Variants in TP53I3 observed in about 807,000 individuals in gnomAD.
TP53I3 encodes tumor protein p53 inducible protein 3, also known as quinone oxidoreductase PIG3.
Under a neutral mutation model 27.7 loss-of-function variants are expected in TP53I3, and 32 were observed. The observed-to-expected ratio is 1.16, with a 90% CI of 0.87 to 1.55. The LOEUF (loss-of-function observed/expected upper bound fraction) is 1.55, where lower values mean the gene tolerates loss of function less well. Ranked by LOEUF, TP53I3 falls within the 40% of genes most tolerant of loss-of-function variation. The pLI, the probability that TP53I3 is intolerant of heterozygous loss-of-function variation, is 0.00. For synonymous variants in TP53I3, 138 were observed against 167.8 expected (o/e 0.82, Z 1.37); for missense variants, 372 against 412.3 (o/e 0.90, Z 0.85).
Position 24,084,104 on chromosome 2 carries a change from T to A in TP53I3, c.138+85A>T. 1 of 1,505,634 alleles carries A rather than the reference T, an allele frequency of 6.6e-7. No homozygotes were observed. The highest frequency in any genetic ancestry group is 8.8e-7 in the Non-Finnish European group (1 of 1,130,442). The allele number at this position is 1,505,634 out of a possible 1,614,324, so 93.3% of individuals were successfully genotyped here. On this transcript the variant is annotated intron_variant, in intron 1 of 4. Coordinates refer to ENST00000238721, the MANE Select transcript of TP53I3 (RefSeq NM_004881.5). The surrounding 1 kb of genome is among the most constrained non-coding windows in gnomAD (Gnocchi z 8.4). ...GCTGGGTGTGGAGCGGTGCACGCCT[T>A]CACGTCTGGTCAATGTCCACTGAGT...
Position 24,084,513 on chromosome 2 carries a change from C to G in TP53I3, c.-187G>C. ...CTCGCTGCCCTGGTCTGCCGCGGACCCGGCCTCCGCCCCGAGCTCCTGCCT... is the reference window on the plus strand; with the variant it reads ...CTCGCTGCCCTGGTCTGCCGCGGACGCGGCCTCCGCCCCGAGCTCCTGCCT... On this transcript the variant is annotated 5_prime_UTR_variant, in exon 1 of 5. Transcript: ENST00000238721. This position sits in a 1 kb window ranked among gnomAD's most constrained non-coding sequence, Gnocchi z 8.4. 1 of 759,858 alleles carries G rather than the reference C, an allele frequency of 1.3e-6. No homozygotes were observed. Among genetic ancestry groups the G allele is most frequent in the South Asian group, 2.4e-5 (1 of 42,518 alleles). The allele number at this position is 759,858 out of a possible 1,614,324, so 47.1% of individuals were successfully genotyped here. A position where few individuals can be genotyped will look rare whatever the true frequency, so the allele number is the denominator to read the frequency against.
rs1296026286 is a variant in TP53I3 at position 24,077,629 on chromosome 2, T to C, written c.949A>G (p.Met317Val). ...VTEIQEAHKY[M>V]EANKNIGKIV... is the part of the protein sequence containing the mutation. ...TTGCCTATGTTCTTGTTGGCCTCCA[T>C]GTACTTATGGGCCTCCTGGATTTCG... is the stretch of plus-strand genomic sequence containing the variant. The change falls in exon 5 of 5, where the codon ATG (methionine) becomes GTG (valine). Residue 317 changes from methionine (M) to valine (V), a missense_variant. Coordinates refer to ENST00000238721, the MANE Select transcript of TP53I3 (RefSeq NM_004881.5). This position sits in a 1 kb window ranked among gnomAD's most constrained non-coding sequence, Gnocchi z 5.5. 1 of 1,598,390 alleles carries C rather than the reference T, an allele frequency of 6.3e-7. No homozygotes were observed. Among genetic ancestry groups the C allele is most frequent in the Non-Finnish European group, 8.5e-7 (1 of 1,170,472 alleles).
chr2:24,080,063 A>G lies in TP53I3; in HGVS notation c.620-423T>C, dbSNP rs1664931980. On this transcript the variant is annotated intron_variant, in intron 3 of 4. Coordinates refer to ENST00000238721, the MANE Select transcript of TP53I3 (RefSeq NM_004881.5). This position sits in a 1 kb window ranked among gnomAD's most constrained non-coding sequence, Gnocchi z 4.7. ...GTTTCATCTCTCCTTTTCTACTCAC[A>G]TAAAAAATGGAGGCCAGGCATGGTG... 6.6e-6 allele frequency among the ~76,000 whole-genome samples: 1 copy of G among 152,152 alleles called. No homozygotes were observed. Among genetic ancestry groups the G allele is most frequent in the Admixed American group, 6.5e-5 (1 of 15,278 alleles).
chr2:24,082,952 C>T lies in TP53I3; in HGVS notation c.339G>A (p.Leu113=). Residue 113 remains leucine (L), a synonymous_variant, in exon 2 of 5, where the codon TTG becomes TTA. Transcript: ENST00000238721. ...GGATGGCTGCAGCCTGGGTCAGGGTCAATCCCTCTGGGATAGGCATGAGGA... is the reference window on the plus strand; with the variant it reads ...GGATGGCTGCAGCCTGGGTCAGGGTTAATCCCTCTGGGATAGGCATGAGGA... The part of the protein sequence containing the change: ...EGLLMPIPEG[L]TLTQAAAIPE... The T allele has an allele frequency of 1.2e-6, 2 of 1,613,984 alleles. No homozygotes were observed. The highest frequency in any genetic ancestry group is 1.3e-5 in the African/African-American group (1 of 75,056).
rs758343787 is a variant in TP53I3 at position 24,080,809 on chromosome 2, A to G, written c.619+10T>C. 15 of 1,613,990 alleles carry G rather than the reference A, an allele frequency of 9.3e-6. No individual in the cohort carries two copies. Among genetic ancestry groups the G allele is most frequent in the African/African-American group, 2.7e-5 (2 of 74,924 alleles). ...TAAATTCCTGCTGAACTGTAGAAGCAGTTGTTTACCTTTGGTGAATTTCAG... is the reference window on the plus strand; with the variant it reads ...TAAATTCCTGCTGAACTGTAGAAGCGGTTGTTTACCTTTGGTGAATTTCAG... On this transcript the variant is annotated intron_variant, in intron 3 of 4. Transcript: ENST00000238721. This position sits in a 1 kb window ranked among gnomAD's most constrained non-coding sequence, Gnocchi z 4.7.
rs146211787 is a variant in TP53I3, at chr2:24,081,111, C to T, written c.407-80G>A. The T allele has an allele frequency of 6.5e-5, 70 of 1,082,908 alleles. 1 individual carries two copies. The highest frequency in any genetic ancestry group is 6.3e-4 in the South Asian group (32 of 50,506). 67.1% of individuals were successfully genotyped at this position (1,082,908 alleles called of 1,614,324 possible). A position where few individuals can be genotyped will look rare whatever the true frequency, so the allele number is the denominator to read the frequency against. Reference sequence around the variant, plus strand: ...CACAGGCATATTCTATCAAGATCACCTGGCCGTTGCACCAAATGCCAAATC... The same window carrying T: ...CACAGGCATATTCTATCAAGATCACTTGGCCGTTGCACCAAATGCCAAATC... On this transcript the variant is annotated intron_variant, in intron 2 of 4. Coordinates refer to ENST00000238721, the MANE Select transcript of TP53I3 (RefSeq NM_004881.5).
Position 24,084,452 on chromosome 2 carries a change from C to T in TP53I3, c.-126G>A, listed in dbSNP as rs1665172088. 2 of 1,225,998 alleles carry T rather than the reference C, an allele frequency of 1.6e-6. No individual in the cohort carries two copies. The highest frequency in any genetic ancestry group is 3.4e-5 in the Admixed American group (1 of 29,412). 75.9% of individuals were successfully genotyped at this position (1,225,998 alleles called of 1,614,324 possible). ...GTATCCTCGCGGAGCAGCCCAGCCT[C>T]AGGCTGGCACCGCAGCGCCCCCTGC... On this transcript the variant is annotated 5_prime_UTR_variant, in exon 1 of 5. Transcript: ENST00000238721. This position sits in a 1 kb window ranked among gnomAD's most constrained non-coding sequence, Gnocchi z 8.4.
At chr2:24,079,394 C>A in intron 4 of TP53I3, 50 bp downstream of exon 4, 1 of 1,589,828 alleles carries the variant, frequency 6.3e-7, no homozygotes, top group Non-Finnish European at 8.6e-7. Context: ...TGTAAATGAA[C>A]CACACTTTTC....
chr2:24,083,732 C>G (rs1158550266), intron 1 of TP53I3, among the ~76,000 whole-genome samples: 2 of 152,202 alleles, frequency 1.3e-5, no homozygotes, highest in Non-Finnish European at 2.9e-5. Context: ...TGCCCGCTGT[C>G]AGCTCCGGGA....
chr2:24,082,835 A>G (rs1246038073), intron 2 of TP53I3, 50 bp downstream of exon 2: 1 of 1,537,594 alleles, frequency 6.5e-7, no homozygotes. Flanking sequence ...TGGCTGATTT[A>G]TGAAGGTGTT....
chr2:24,079,442 A>G lies in TP53I3; in HGVS notation c.816+2T>C, dbSNP rs1321781106. 1.2e-6 allele frequency: 2 copies of G among 1,613,108 alleles called. No homozygotes were observed. The highest frequency in any genetic ancestry group is 2.7e-5 in the African/African-American group (2 of 74,784). ...CATGTTTTCTTTTCATTCATCACTC[A>G]CCTTATTGTCCCTAGACCTCAGCAA... On this transcript the variant is annotated splice_donor_variant, in intron 4 of 4. Transcript: ENST00000238721. LOFTEE classifies it high-confidence loss of function.
chr2:24,084,365 A>ACAGGG lies in TP53I3; in HGVS notation c.-44_-40dup, dbSNP rs771776191. Reference sequence around the variant, plus strand: ...ACAGGGCAGGGCAGGGCAGGACAGGACAGGGCAGGGCAGGGCAGGACAGGA... The same window carrying ACAGGG: ...ACAGGGCAGGGCAGGGCAGGACAGGACAGGGCAGGGCAGGGCAGGGCAGGACAGGA... On this transcript the variant is annotated 5_prime_UTR_variant, in exon 1 of 5. Coordinates refer to ENST00000238721, the MANE Select transcript of TP53I3 (RefSeq NM_004881.5). The surrounding 1 kb of genome is among the most constrained non-coding windows in gnomAD (Gnocchi z 8.4). 1.5e-4 allele frequency: 237 copies of ACAGGG among 1,555,436 alleles called. No homozygotes were observed. In the African/African-American group the frequency reaches 2.0e-3, roughly 13 times the overall value.
In TP53I3 at chr2:24,084,390, A is replaced by ACAGGG. The variant is rs3030953; in HGVS notation, c.-69_-65dup. On this transcript the variant is annotated 5_prime_UTR_variant, in exon 1 of 5. Coordinates refer to ENST00000238721, the MANE Select transcript of TP53I3 (RefSeq NM_004881.5). This position sits in a 1 kb window ranked among gnomAD's most constrained non-coding sequence, Gnocchi z 8.4. The stretch of plus-strand genomic sequence containing the variant: ...ACAGGGCAGGGCAGGGCAGGACAGG[A>ACAGGG]CAGGGCAGGGCAGGACAGGACAGGG... 0.087 allele frequency: 100,465 copies of ACAGGG among 1,159,540 alleles called. 9,488 individuals are homozygous for ACAGGG. The highest frequency in any genetic ancestry group is 0.15 in the South Asian group (9,723 of 64,916). The allele number at this position is 1,159,540 out of a possible 1,614,324, so 71.8% of individuals were successfully genotyped here.
Position 24,079,557 on chromosome 2 carries a change from A to G in TP53I3, c.703T>C (p.Trp235Arg). ...CCTCCCATCAGACCATAGAGAACCC[A>G]TCGACCATCAAGAGCCAGGCAGTTG... ...NVNCLALDGRWVLYGLMGGGD... is the reference protein window; with the variant it reads ...NVNCLALDGRRVLYGLMGGGD... Residue 235 changes from tryptophan to arginine, a missense_variant, in exon 4 of 5, where the codon TGG becomes CGG. Transcript: ENST00000238721. The G allele has an allele frequency of 6.2e-7, 1 of 1,614,198 alleles. No homozygotes were observed. Among genetic ancestry groups the G allele is most frequent in the Non-Finnish European group, 8.5e-7 (1 of 1,180,036 alleles).
chr2:24,077,814 C>G lies in TP53I3; in HGVS notation c.817-53G>C, dbSNP rs1664825572. On this transcript the variant is annotated intron_variant, in intron 4 of 4. Coordinates refer to ENST00000238721, the MANE Select transcript of TP53I3 (RefSeq NM_004881.5). The surrounding 1 kb of genome is among the most constrained non-coding windows in gnomAD (Gnocchi z 5.5). ...CCTGGGGAGAGAGCCTCACCCTGCCCTCCTCATCCTCCTCAGCCTTCTTGC... is the reference window on the plus strand; with the variant it reads ...CCTGGGGAGAGAGCCTCACCCTGCCGTCCTCATCCTCCTCAGCCTTCTTGC... The G allele has an allele frequency of 6.4e-7, 1 of 1,554,324 alleles. No individual in the cohort carries two copies.
chr2:24,077,681 C>CGGCA lies in TP53I3; in HGVS notation c.893_896dup (p.Val300AlafsTer17). ...TCACTGGGTAGATTCTGTCCAGAAC[C>CGGCA]GGCAGCAGACGTTGGGGGCCCTCCG... On this transcript the variant is annotated frameshift_variant, in exon 5 of 5. Coordinates refer to ENST00000238721, the MANE Select transcript of TP53I3 (RefSeq NM_004881.5). LOFTEE classifies it high-confidence loss of function. The surrounding 1 kb of genome is among the most constrained non-coding windows in gnomAD (Gnocchi z 5.5). The CGGCA allele has an allele frequency of 6.2e-7, 1 of 1,614,056 alleles. No homozygotes were observed. The highest frequency in any genetic ancestry group is 1.6e-4 in the Middle Eastern group (1 of 6,062).
intron 4 of TP53I3, among the ~76,000 whole-genome samples, chr2:24,078,019 A>G (rs1023042573): frequency 3.9e-5 from 6 of 152,134 alleles, no homozygotes; most frequent in African/African-American, 1.4e-4. Context: ...AGGCTAGCTG[A>G]CCTGTCTCTT....
At chr2:24,078,399 A>G (rs1038234311) in intron 4 of TP53I3, among the ~76,000 whole-genome samples, 4 of 147,880 alleles carry the variant, frequency 2.7e-5, no homozygotes, top group African/African-American at 1.0e-4. Context: ...GCATGGTGGT[A>G]TGCCTTCAGT....
Position 24,079,505 on chromosome 2 carries a change from G to GA in TP53I3, c.754dup (p.Ser252PhefsTer6). 1 of 1,614,114 alleles carries GA rather than the reference G, an allele frequency of 6.2e-7. No homozygotes were observed. The highest frequency in any genetic ancestry group is 2.2e-5 in the East Asian group (1 of 44,878). On this transcript the variant is annotated frameshift_variant, in exon 4 of 5. Transcript: ENST00000238721. LOFTEE classifies it high-confidence loss of function. ...ACTTCCTCGCTTAAAAAGTAGCTTTGAAAACAGGGGCCCATTGATGTCACC... is the reference window on the plus strand; with the variant it reads ...ACTTCCTCGCTTAAAAAGTAGCTTTGAAAAACAGGGGCCCATTGATGTCACC...
Sources: gnomAD v4.1 joint callset for allele counts (sites outside exome capture counted in the v4.1 genomes callset) on GRCh38, gnomAD v4.1.1 for gene constraint, Gnocchi (gnomAD v3.1) non-coding constraint, MANE v1.5 for transcripts, NCBI Gene and HGNC (gene_info 2026-07-23, HGNC 2026-07-21) for gene names.